The following KIZ variants were observed in gnomAD, a reference collection of about 807,000 sequenced individuals.
The protein encoded by KIZ is kizuna centrosomal protein, also known as centrosomal protein kizuna.
In KIZ, 68 loss-of-function variants were observed where a neutral mutation model predicts 79.6. The observed-to-expected ratio is 0.85, with a 90% CI of 0.70 to 1.05. The LOEUF is 1.05. Among genes scored for constraint, KIZ ranks in the 50% least tolerant of loss-of-function variants. The pLI is 0.00. For missense variants in KIZ, 797 were observed against 800.4 expected (o/e 1.00, Z 0.05); for synonymous variants, 280 against 281.8 (o/e 0.99, Z 0.06).
At chr20:21,224,270 C>T (rs187655604) in intron 9 of KIZ, among the ~76,000 whole-genome samples, 13 of 152,368 alleles carry the variant, frequency 8.5e-5, no homozygotes, top group Admixed American at 2.0e-4. Context: ...TGAGCCACCC[C>T]GCCCGGCCCT....
At chr20:21,166,089 C>T (rs1323807236) in intron 6 of KIZ, 1 of 652,266 alleles carries the variant, frequency 1.5e-6, no homozygotes, top group Non-Finnish European at 2.6e-6. Flanking sequence ...GCCTCAGCCT[C>T]CTGAGTAGCT....
chr20:21,139,333 G>A (rs547973601), intron 3 of KIZ, among the ~76,000 whole-genome samples: 6 of 152,032 alleles, frequency 3.9e-5, no homozygotes, highest in Admixed American at 3.9e-4. Context: ...CCTATCCAAG[G>A]AGCTGTGGTT....
chr20:21,145,127 T>C (rs2032775894), intron 3 of KIZ, among the ~76,000 whole-genome samples: 1 of 151,850 alleles, frequency 6.6e-6, no homozygotes, highest in Non-Finnish European at 1.5e-5. Flanking sequence ...CATGATATTT[T>C]GTAGATATCA....
chr20:21,180,701 T>C (rs1223044911), intron 6 of KIZ, among the ~76,000 whole-genome samples: 2 of 152,166 alleles, frequency 1.3e-5, no homozygotes, highest in African/African-American at 4.8e-5. Flanking sequence ...AAGCAGGACA[T>C]AGGCAGGTTT....
intron 11 of KIZ, among the ~76,000 whole-genome samples, chr20:21,237,575 C>T (rs994836953): frequency 1.8e-4 from 27 of 152,144 alleles, no homozygotes; most frequent in Non-Finnish European, 1.2e-4. Flanking sequence ...ACAACCAGAC[C>T]GCATGTCATG....
At chr20:21,133,036 G>A (rs2031954129) in intron 2 of KIZ, 1 of 152,102 alleles carries the variant, frequency 6.6e-6, no homozygotes, top group South Asian at 2.1e-4. Flanking sequence ...TTATCCTTAA[G>A]CCAAAAGTAT....
chr20:21,169,779 G>T (rs2034122532), intron 6 of KIZ, among the ~76,000 whole-genome samples: 1 of 152,162 alleles, frequency 6.6e-6, no homozygotes, highest in African/African-American at 2.4e-5. Flanking sequence ...GATCTTTTTA[G>T]TGTCTTGTCT....
chr20:21,207,739 T>C (rs2035894217), intron 7 of KIZ, among the ~76,000 whole-genome samples: 1 of 152,174 alleles, frequency 6.6e-6, no homozygotes, highest in African/African-American at 2.4e-5. Context: ...AGTCTTGTTC[T>C]GTTGCTCAGG....
chr20:21,189,419 G>A (rs2123010697), intron 6 of KIZ, among the ~76,000 whole-genome samples: 1 of 152,242 alleles, frequency 6.6e-6, no homozygotes, highest in Admixed American at 6.6e-5. Context: ...ATTAAAAATG[G>A]GTGATTGGTT....
intron 3 of KIZ, among the ~76,000 whole-genome samples, chr20:21,143,243 C>G (rs1478004287): frequency 2.0e-5 from 3 of 151,572 alleles, no homozygotes; most frequent in Non-Finnish European, 4.4e-5. Flanking sequence ...GAGACAGGGC[C>G]AGCAGATTTT....
At chr20:21,182,249 C>T (rs745965149) in intron 6 of KIZ, among the ~76,000 whole-genome samples, 6 of 152,098 alleles carry the variant, frequency 3.9e-5, no homozygotes, top group African/African-American at 4.8e-5. Context: ...TCGCCCCCAC[C>T]GTCTGAGGAC....
intron 6 of KIZ, among the ~76,000 whole-genome samples, chr20:21,185,214 A>G (rs989630824): frequency 1.3e-5 from 2 of 152,076 alleles, no homozygotes; most frequent in African/African-American, 4.8e-5. Flanking sequence ...TGAGTCCCCT[A>G]TCTTTTATGG....
At chr20:21,218,806 G>C (rs2036397913) in intron 9 of KIZ, among the ~76,000 whole-genome samples, 1 of 152,158 alleles carries the variant, frequency 6.6e-6, no homozygotes, top group Non-Finnish European at 1.5e-5. Flanking sequence ...ATTTTGTGGG[G>C]AGCTCCCTTG....
At chr20:21,159,679 G>A (rs1016278498) in intron 4 of KIZ, among the ~76,000 whole-genome samples, 1 of 152,196 alleles carries the variant, frequency 6.6e-6, no homozygotes, top group Non-Finnish European at 1.5e-5. Flanking sequence ...CATCCATGAT[G>A]TAACAGGTAT....
At chr20:21,245,829 C>G (rs2037370223) in intron 12 of KIZ, 1 of 152,282 alleles carries the variant, frequency 6.6e-6, no homozygotes, top group African/African-American at 2.4e-5. Flanking sequence ...TCAGTAACCC[C>G]ACTCCCTTGC....
At chr20:21,190,017 G>A (rs2035045280) in intron 6 of KIZ, among the ~76,000 whole-genome samples, 1 of 152,206 alleles carries the variant, frequency 6.6e-6, no homozygotes, top group Admixed American at 6.5e-5. Context: ...CTATGTATGT[G>A]TTTGTCCTTT....
intron 4 of KIZ, chr20:21,160,848 GAGCACAC>G (rs2033620505): frequency 6.6e-6 from 1 of 152,164 alleles, no homozygotes; most frequent in African/African-American, 2.4e-5. Flanking sequence ...TCCACCCTGC[GAGCACAC>G]AGCAGAAAGA....
chr20:21,205,309 A>C (rs1220643789), intron 6 of KIZ, among the ~76,000 whole-genome samples, 182 bp from the exon 7 acceptor site: 1 of 152,186 alleles, frequency 6.6e-6, no homozygotes, highest in African/African-American at 2.4e-5. Context: ...CAATGAAATA[A>C]CCAAAGTTTT....
At chr20:21,235,770 C>G (rs1345321052) in intron 11 of KIZ, among the ~76,000 whole-genome samples, 1 of 152,352 alleles carries the variant, frequency 6.6e-6, no homozygotes, top group Non-Finnish European at 1.5e-5. Flanking sequence ...AGTCACCCCG[C>G]CACTGTACCC....
Sources: allele counts gnomAD v4.1 joint callset (sites outside exome capture counted in the v4.1 genomes callset), GRCh38; gene constraint gnomAD v4.1.1; transcripts MANE v1.5; gene names NCBI Gene and HGNC (gene_info 2026-07-23, HGNC 2026-07-21).